Variants in REC114 observed in about 807,000 individuals in gnomAD.
REC114 encodes meiotic recombination protein REC114.
In REC114, 27 loss-of-function variants were observed where a neutral mutation model predicts 31.3. The observed-to-expected ratio is 0.86, with a 90% CI of 0.64 to 1.19. The LOEUF is 1.19. REC114 is among the 50% of genes most tolerant of loss of function. The pLI is 0.00. For missense variants in REC114, 344 were observed against 326.9 expected (o/e 1.05, Z -0.40); for synonymous variants, 134 against 127.7 (o/e 1.05, Z -0.33).
chr15:73,514,157 T>C (rs1339493101), intron 2 of REC114, among the ~76,000 whole-genome samples: 3 of 151,690 alleles, frequency 2.0e-5, no homozygotes, highest in Non-Finnish European at 2.9e-5. Flanking sequence ...TGCGCCGTTT[T>C]TTAAGCCGGT....
intron 2 of REC114, among the ~76,000 whole-genome samples, chr15:73,533,491 C>A (rs887160495): frequency 5.0e-5 from 6 of 121,202 alleles, no homozygotes; most frequent in African/African-American, 3.8e-5. Flanking sequence ...AGCTAACTAT[C>A]CTAAATATAT....
At position 73,531,755 on chromosome 15, in the gene REC114, C is replaced by T. The variant is rs186418830; in HGVS notation, c.250-8730C>T. ...AAGAAGACAGGGTAGAAGCAACAGC[C>T]AGCCATTGCAGGGCACAGCACCTCC... On this transcript the variant is annotated intron_variant, in intron 2 of 5. Transcript: ENST00000331090. 7.9e-5 allele frequency among the ~76,000 whole-genome samples: 12 copies of T among 152,286 alleles called. No homozygotes were observed. The South Asian group carries it at 1.7e-3, about 21-fold the overall frequency.
chr15:73,485,767 A>C (rs566599655), intron 2 of REC114, among the ~76,000 whole-genome samples: 1 of 152,240 alleles, frequency 6.6e-6, no homozygotes, highest in East Asian at 1.9e-4. Flanking sequence ...TTTCTTTATA[A>C]ATTACCCAGT....
At chr15:73,491,832 G>A (rs368249895) in intron 2 of REC114, among the ~76,000 whole-genome samples, 71 of 152,138 alleles carry the variant, frequency 4.7e-4, no homozygotes, top group African/African-American at 1.4e-3. Flanking sequence ...CCTGGGAGGC[G>A]GAGGTTGCAG....
chr15:73,538,455 C>CTTTTTT (rs34642401), intron 2 of REC114, among the ~76,000 whole-genome samples: 29 of 124,072 alleles, frequency 2.3e-4, no homozygotes, highest in East Asian at 4.7e-4. Context: ...AATTCTATTT[C>CTTTTTT]TTTTTTTTTT....
At chr15:73,541,483 T>C (rs1321735439) in intron 3 of REC114, among the ~76,000 whole-genome samples, 1 of 152,238 alleles carries the variant, frequency 6.6e-6, no homozygotes, top group Non-Finnish European at 1.5e-5. Flanking sequence ...AGTTCACAAA[T>C]TAGTGCCTTA....
chr15:73,493,313 A>T (rs1189817284), intron 2 of REC114, among the ~76,000 whole-genome samples: 2 of 152,082 alleles, frequency 1.3e-5, no homozygotes, highest in African/African-American at 2.4e-5. Flanking sequence ...GTTGCTTATT[A>T]TCTGATCTTT....
chr15:73,479,211 C>A (rs919702336), intron 2 of REC114, among the ~76,000 whole-genome samples: 6 of 150,198 alleles, frequency 4.0e-5, no homozygotes, highest in African/African-American at 1.5e-4. Context: ...TTTTGTAGAT[C>A]CAATTCATAA....
At chr15:73,553,074 C>T (rs1276339565) in intron 4 of REC114, among the ~76,000 whole-genome samples, 1 of 152,194 alleles carries the variant, frequency 6.6e-6, no homozygotes, top group African/African-American at 2.4e-5. Context: ...CTCGGCCTCC[C>T]AAAGTGCTGG....
At chr15:73,550,509 A>G (rs777299227) in intron 3 of REC114, among the ~76,000 whole-genome samples, 1 of 152,216 alleles carries the variant, frequency 6.6e-6, no homozygotes, top group Non-Finnish European at 1.5e-5. Flanking sequence ...CTTGTTTAAC[A>G]TAGTTATCTA....
intron 2 of REC114, among the ~76,000 whole-genome samples, chr15:73,488,698 A>G (rs1454675983): frequency 6.6e-6 from 1 of 152,182 alleles, no homozygotes; most frequent in Admixed American, 6.5e-5. Context: ...TTTACTGTCC[A>G]TATTTCTACC....
chr15:73,446,568 A>G (rs1280083759), intron 1 of REC114, among the ~76,000 whole-genome samples: 1 of 151,878 alleles, frequency 6.6e-6, no homozygotes, highest in Non-Finnish European at 1.5e-5. Context: ...TGAACCTGGG[A>G]GGCTGAGGTT....
chr15:73,480,211 T>C (rs547792873), intron 2 of REC114, among the ~76,000 whole-genome samples: 1 of 152,166 alleles, frequency 6.6e-6, no homozygotes, highest in Admixed American at 6.5e-5. Flanking sequence ...CTTTTTCTTA[T>C]ACCTGTTGGC....
chr15:73,539,346 A>G (rs1894208455), intron 2 of REC114, among the ~76,000 whole-genome samples: 1 of 123,850 alleles, frequency 8.1e-6, no homozygotes, highest in Admixed American at 1.0e-4. Flanking sequence ...ACTGGAGTGC[A>G]GTGGCGCAAT....
intron 3 of REC114, among the ~76,000 whole-genome samples, chr15:73,542,345 A>AG (rs1491389496): frequency 9.8e-4 from 8 of 8,198 alleles, no homozygotes; most frequent in Non-Finnish European, 1.0e-3. Flanking sequence ...AAAAAAAAAG[A>AG]AAAAAAAAAA....
chr15:73,487,646 G>A (rs1392044416), intron 2 of REC114, among the ~76,000 whole-genome samples: 3 of 152,192 alleles, frequency 2.0e-5, no homozygotes, highest in African/African-American at 4.8e-5. Context: ...TTGTGAGCAC[G>A]GCCCACACAG....
At chr15:73,535,215 A>G (rs1404647356) in intron 2 of REC114, among the ~76,000 whole-genome samples, 2 of 149,766 alleles carry the variant, frequency 1.3e-5, no homozygotes, top group Admixed American at 6.6e-5. Flanking sequence ...AAGGGTATTC[A>G]ATTAGGAAAA....
chr15:73,489,529 C>T (rs1211909110), intron 2 of REC114, among the ~76,000 whole-genome samples: 1 of 151,810 alleles, frequency 6.6e-6, no homozygotes, highest in African/African-American at 2.4e-5. Flanking sequence ...CCTAAGGGCC[C>T]TACTCCCATT....
intron 2 of REC114, among the ~76,000 whole-genome samples, chr15:73,534,168 G>A (rs969578960): frequency 1.2e-4 from 18 of 150,642 alleles, no homozygotes; most frequent in Admixed American, 5.3e-4. Flanking sequence ...GCTAGCAGAA[G>A]GCAAGAAATA....
Sources: gnomAD v4.1 joint callset for allele counts (sites outside exome capture counted in the v4.1 genomes callset) on GRCh38, gnomAD v4.1.1 for gene constraint, MANE v1.5 for transcripts, NCBI Gene and HGNC (gene_info 2026-07-23, HGNC 2026-07-21) for gene names.